Variants in CFAP74 observed in about 807,000 individuals in gnomAD.
The protein encoded by CFAP74 is cilia- and flagella-associated protein 74.
A neutral mutation model predicts 188.9 loss-of-function variants in CFAP74; 124 were observed. The observed-to-expected ratio is 0.66, with a 90% CI of 0.57 to 0.76. The LOEUF (loss-of-function observed/expected upper bound fraction) is 0.76. Ranked by LOEUF, CFAP74 falls within the 30% of genes least tolerant of loss-of-function variation. The pLI is 0.00. For missense variants in CFAP74, 2,198 were observed against 2,165.2 expected (o/e 1.02, Z -0.30); for synonymous variants, 956 against 916.7 (o/e 1.04, Z -0.77).
rs773126384 is a variant in CFAP74, at chr1:1,966,330, G to C, written c.1401+41C>G. ...GGTGGCGAGCCGGCGACAGAGGGCCGGGGTCCGTCTGCAAGCGTCTAAAGG... is the reference window on the plus strand; with the variant it reads ...GGTGGCGAGCCGGCGACAGAGGGCCCGGGTCCGTCTGCAAGCGTCTAAAGG... On this transcript the variant is annotated intron_variant, in intron 12 of 38. Transcript: ENST00000682832. The C allele has an allele frequency of 2.1e-6, 3 of 1,446,926 alleles. No homozygotes were observed. The South Asian group carries it at 4.4e-5, about 21-fold the overall frequency. The allele number at this position is 1,446,926 out of a possible 1,614,324, so 89.6% of individuals were successfully genotyped here. A position where few individuals can be genotyped will look rare whatever the true frequency, so the allele number is the denominator to read the frequency against.
Position 1,930,342 on chromosome 1 carries a change from A to T in CFAP74, c.3012-6T>A. The T allele has an allele frequency of 6.6e-7, 1 of 1,515,752 alleles. No individual in the cohort carries two copies. Among genetic ancestry groups the T allele is most frequent in the Non-Finnish European group, 8.8e-7 (1 of 1,132,208 alleles). 93.9% of individuals were successfully genotyped at this position (1,515,752 alleles called of 1,614,324 possible). On this transcript the variant is annotated splice_polypyrimidine_tract_variant and splice_region_variant and intron_variant, in intron 25 of 38. Transcript: ENST00000682832. ...GGCAAGACAGCTTGAAGCACCTGCA[A>T]GCAGCAGCATGGGAGGCCCTCAGCC...
At chr1:1,992,627 C>G (rs962518113) in intron 1 of CFAP74, among the ~76,000 whole-genome samples, 1 of 151,832 alleles carries the variant, frequency 6.6e-6, no homozygotes. Context: ...GCGCCCACCA[C>G]TACGCCCAGC....
In CFAP74 at chr1:1,942,578, G is replaced by A. The variant is rs965711119; in HGVS notation, c.2487-422C>T. 4.3e-4 allele frequency among the ~76,000 whole-genome samples: 65 copies of A among 152,062 alleles called. No individual in the cohort carries two copies. The highest frequency in any genetic ancestry group is 1.4e-3 in the African/African-American group (57 of 41,400). On this transcript the variant is annotated intron_variant, in intron 21 of 38. Coordinates refer to ENST00000682832, the MANE Select transcript of CFAP74 (RefSeq NM_001304360.2). This position sits in a 1 kb window ranked among gnomAD's most constrained non-coding sequence, Gnocchi z 4.3. ...CCTGCAGCTCAAGCACAGGGCACGT[G>A]GGGGGCCTGGGACGGCCACAGGCCT...
chr1:1,929,293 C>A (rs544362355), intron 26 of CFAP74, among the ~76,000 whole-genome samples: 1 of 65,700 alleles, frequency 1.5e-5, no homozygotes, highest in Non-Finnish European at 3.2e-5. Flanking sequence ...GAAATGGCTT[C>A]CCACAGAAGG....
chr1:1,989,228 C>T (rs931150496), intron 2 of CFAP74, among the ~76,000 whole-genome samples: 3 of 152,058 alleles, frequency 2.0e-5, no homozygotes, highest in African/African-American at 4.8e-5. Flanking sequence ...GGCACAGCAC[C>T]GCTTGGCTGG....
rs553520100 is a variant in CFAP74 at position 1,993,694 on chromosome 1, A to AT, written c.-19-2720dup. Among the ~76,000 whole-genome samples the AT allele has an allele frequency of 2.8e-4, 42 of 152,156 alleles. 1 individual carries two copies. Among genetic ancestry groups the AT allele is most frequent in the South Asian group, 2.7e-3 (13 of 4,792 alleles). On this transcript the variant is annotated intron_variant, in intron 1 of 38. Transcript: ENST00000682832. ...ACAAAACAGCTGATGTCAAATGCTT[A>AT]TAAATCAGCAGGGCACAGTGGCTCA...
At chr1:1,994,658 G>C (rs747030279) in intron 1 of CFAP74, among the ~76,000 whole-genome samples, 1 of 152,164 alleles carries the variant, frequency 6.6e-6, no homozygotes, top group Non-Finnish European at 1.5e-5. Flanking sequence ...TGCGGCCTCC[G>C]CGACGTCATT....
chr1:1,961,490 G>A (rs1655088089), intron 14 of CFAP74, among the ~76,000 whole-genome samples: 1 of 152,144 alleles, frequency 6.6e-6, no homozygotes, highest in South Asian at 2.1e-4. Context: ...GCCTCAACCT[G>A]TTGAGAGAAA....
At chr1:1,981,548 A>G (rs1656854567) in intron 6 of CFAP74, among the ~76,000 whole-genome samples, 1 of 120,000 alleles carries the variant, frequency 8.3e-6, no homozygotes, top group Non-Finnish European at 1.6e-5. Context: ...AGCCGCGGAC[A>G]GACACGGGGG....
At chr1:1,946,710 C>T (rs913704797) in intron 19 of CFAP74, among the ~76,000 whole-genome samples, 6 of 152,188 alleles carry the variant, frequency 3.9e-5, no homozygotes, top group South Asian at 4.1e-4. Flanking sequence ...CCAGGGAGGC[C>T]GCGGCCAGCA....
Position 1,968,658 on chromosome 1 carries a change from C to T in CFAP74, c.1222G>A (p.Val408Ile). The T allele has an allele frequency of 6.2e-7, 1 of 1,604,938 alleles. No individual in the cohort carries two copies. The highest frequency in any genetic ancestry group is 8.5e-7 in the Non-Finnish European group (1 of 1,175,432). The change falls in exon 11 of 39, where the codon GTC becomes ATC. Residue 408 changes from valine (V) to isoleucine (I), a missense_variant. Coordinates refer to ENST00000682832, the MANE Select transcript of CFAP74 (RefSeq NM_001304360.2). This position sits in a 1 kb window ranked among gnomAD's most constrained non-coding sequence, Gnocchi z 4.3. ...YISDFCKKTT[V>I]PTNTYTLDYE... ...ACCAGTGTGTACGTGTTGGTTGGGACTGTGGTCTTCTTGCAAAAGTCAGAA... is the reference window on the plus strand; with the variant it reads ...ACCAGTGTGTACGTGTTGGTTGGGATTGTGGTCTTCTTGCAAAAGTCAGAA...
rs1053601762 is a variant in CFAP74 at position 1,973,356 on chromosome 1, G to A, written c.675-309C>T. Reference sequence around the variant, plus strand: ...GGCACAGCAGTGCTGTGGGGAGGGAGGAGGCAGGGGCTGGGGACCTTGTGT... The same window carrying A: ...GGCACAGCAGTGCTGTGGGGAGGGAAGAGGCAGGGGCTGGGGACCTTGTGT... On this transcript the variant is annotated intron_variant, in intron 7 of 38. Transcript: ENST00000682832. This position sits in a 1 kb window ranked among gnomAD's most constrained non-coding sequence, Gnocchi z 6.2. Among the ~76,000 whole-genome samples, 6 of 152,298 alleles carry A rather than the reference G, an allele frequency of 3.9e-5. No homozygotes were observed. Among genetic ancestry groups the A allele is most frequent in the African/African-American group, 7.2e-5 (3 of 41,556 alleles).
chr1:1,955,700 GCTC>G lies in CFAP74; in HGVS notation c.2164_2166del (p.Glu722del). ...TGGCAGCCTGGCTCACCTGCGGGCT[GCTC>G]CTCCTCCTGCTCCTTGTCCAGCTTC... On this transcript the variant is annotated inframe_deletion, in exon 18 of 39. Transcript: ENST00000682832. 3.7e-6 allele frequency: 6 copies of G among 1,612,778 alleles called. No homozygotes were observed. The highest frequency in any genetic ancestry group is 5.1e-6 in the Non-Finnish European group (6 of 1,179,270).
chr1:1,948,932 T>C (rs1312046680), intron 18 of CFAP74, among the ~76,000 whole-genome samples: 4 of 10,768 alleles, frequency 3.7e-4, no homozygotes, highest in Admixed American at 9.7e-4. Flanking sequence ...TTCCTTCCTC[T>C]TTCCTCCCTT....
rs1220592478 is a variant in CFAP74, at chr1:1,922,364, C to T, written c.4843G>A (p.Ala1615Thr). ...FDPDHPLMVSALLQLRGDVKE... is the reference protein window; with the variant it reads ...FDPDHPLMVSTLLQLRGDVKE... ...ACATCCCCCCTTAGCTGCAGCAGGGCCGACACCATGAGTGGGTGGTCTGGC... is the reference window on the plus strand; with the variant it reads ...ACATCCCCCCTTAGCTGCAGCAGGGTCGACACCATGAGTGGGTGGTCTGGC... The change falls in exon 39 of 39, where the codon GCC becomes ACC. Residue 1615 changes from alanine to threonine, a missense_variant. Transcript: ENST00000682832. 1.2e-6 allele frequency: 2 copies of T among 1,600,694 alleles called. No individual in the cohort carries two copies. Among genetic ancestry groups the T allele is most frequent in the Admixed American group, 1.8e-5 (1 of 55,466 alleles).
chr1:1,941,570 AAACAGAACCC>A (rs1653377719), intron 22 of CFAP74, among the ~76,000 whole-genome samples: 1 of 152,172 alleles, frequency 6.6e-6, no homozygotes, highest in African/African-American at 2.4e-5. Context: ...ACTGAGCTTG[AAACAGAACCC>A]CAGGGAGTTA....
intron 20 of CFAP74, among the ~76,000 whole-genome samples, chr1:1,945,754 G>A (rs1356167433): frequency 6.6e-6 from 1 of 151,996 alleles, no homozygotes; most frequent in African/African-American, 2.4e-5. Flanking sequence ...CTTGAGCCCA[G>A]GGGTTAGAGG....
rs3795282 is a variant in CFAP74 at position 1,985,343 on chromosome 1, C to A, written c.500+43G>T. ...CCAGATGGGAAGGACTCGCACCGTT[C>A]TGGGGCCTGCCTGCTGCCAGTCCCG... is the stretch of plus-strand genomic sequence containing the variant. On this transcript the variant is annotated intron_variant, in intron 6 of 38. Coordinates refer to ENST00000682832, the MANE Select transcript of CFAP74 (RefSeq NM_001304360.2). The A allele has an allele frequency of 0.021, 32,956 of 1,552,882 alleles. 3,088 individuals carry two copies. The African/African-American group carries it at 0.27, about 12-fold the overall frequency.
rs369340797 is a variant in CFAP74, at chr1:1,990,833, T to C, written c.67+57A>G. Reference sequence around the variant, plus strand: ...GGAATTAAAGGGCTACTATGAAGCATGTCATTTGTTTGTCTTTTTGCTGAA... The same window carrying C: ...GGAATTAAAGGGCTACTATGAAGCACGTCATTTGTTTGTCTTTTTGCTGAA... On this transcript the variant is annotated intron_variant, in intron 2 of 38. Coordinates refer to ENST00000682832, the MANE Select transcript of CFAP74 (RefSeq NM_001304360.2). 5.2e-4 allele frequency: 700 copies of C among 1,350,288 alleles called. 4 individuals carry two copies. The African/African-American group carries it at 8.9e-3, about 17-fold the overall frequency. 83.6% of individuals were successfully genotyped at this position (1,350,288 alleles called of 1,614,324 possible). A position where few individuals can be genotyped will look rare whatever the true frequency, so the allele number is the denominator to read the frequency against.
Sources: allele counts gnomAD v4.1 joint callset (sites outside exome capture counted in the v4.1 genomes callset), GRCh38; gene constraint gnomAD v4.1.1; non-coding constraint Gnocchi (gnomAD v3.1); transcripts MANE v1.5; gene names NCBI Gene and HGNC (gene_info 2026-07-23, HGNC 2026-07-21).